NELL1: variants seen among roughly 807,000 people sequenced by gnomAD.
NELL1 encodes neural EGFL like 1.
NELL1 carries 76 observed loss-of-function variants against 107.4 expected under a neutral mutation model. The observed-to-expected ratio is 0.71, with a 90% CI of 0.59 to 0.86. The LOEUF is 0.86. NELL1 is among the 40% of genes least tolerant of loss of function. NELL1 has a pLI of 0.00. For synonymous variants in NELL1, 353 were observed against 341.2 expected, an observed-to-expected ratio of 1.03 and a Z score of -0.38; for missense variants, 1,024 against 1,005.5, an observed-to-expected ratio of 1.02 and a Z score of -0.25.
At chr11:21,343,910 T>G (rs1947646452) in intron 14 of NELL1, among the ~76,000 whole-genome samples, 1 of 152,082 alleles carries the variant, frequency 6.6e-6, no homozygotes, top group Non-Finnish European at 1.5e-5. Context: ...GAACTGGGAG[T>G]GTACTATGCC....
At chr11:21,233,351 C>T (rs900547810) in intron 14 of NELL1, among the ~76,000 whole-genome samples, 2 of 152,188 alleles carry the variant, frequency 1.3e-5, no homozygotes, top group African/African-American at 2.4e-5. Context: ...TCTGATTTAA[C>T]TCAACTAGTG....
At position 20,782,970 on chromosome 11, in the gene NELL1, G is replaced by A. The variant is rs376613986; in HGVS notation, c.185-710G>A. Among the ~76,000 whole-genome samples, 5 of 152,152 alleles carry A rather than the reference G, an allele frequency of 3.3e-5. No individual in the cohort carries two copies. In the East Asian group the frequency reaches 5.8e-4, roughly 18 times the overall value. On this transcript the variant is annotated intron_variant, in intron 2 of 19. Coordinates refer to ENST00000357134, the MANE Select transcript of NELL1 (RefSeq NM_006157.5). ...ATTAGCTGGAATCACACACCTCTAG[G>A]CCTGCTGAATCGGCCTCAACTTCAA...
chr11:21,549,513 T>C (rs955632606), intron 16 of NELL1, among the ~76,000 whole-genome samples: 1 of 151,870 alleles, frequency 6.6e-6, no homozygotes, highest in African/African-American at 2.4e-5. Flanking sequence ...TGTGTCTGTT[T>C]TACTTGCTGT....
At chr11:20,882,922 A>G (rs1455377928) in intron 4 of NELL1, among the ~76,000 whole-genome samples, 1 of 152,194 alleles carries the variant, frequency 6.6e-6, no homozygotes, top group Non-Finnish European at 1.5e-5. Context: ...GACCACAAGC[A>G]GTTATTTTGT....
intron 12 of NELL1, among the ~76,000 whole-genome samples, chr11:21,050,754 A>G (rs1306756295): frequency 3.3e-5 from 5 of 152,132 alleles, no homozygotes; most frequent in Non-Finnish European, 7.4e-5. Flanking sequence ...TCTCATCTGT[A>G]TAGTAAGGAG....
rs187694632 is a variant in NELL1 at position 21,230,713 on chromosome 11, T to C, written c.1549+1259T>C. ...TAAGTCACTATATTTATGGATTGGATTGGGGAAGAATTTTAAAAGATCAAT... is the reference window on the plus strand; with the variant it reads ...TAAGTCACTATATTTATGGATTGGACTGGGGAAGAATTTTAAAAGATCAAT... On this transcript the variant is annotated intron_variant, in intron 14 of 19. Coordinates refer to ENST00000357134, the MANE Select transcript of NELL1 (RefSeq NM_006157.5). 4.0e-3 allele frequency among the ~76,000 whole-genome samples: 615 copies of C among 152,234 alleles called. 2 individuals carry two copies. The highest frequency in any genetic ancestry group is 0.014 in the African/African-American group (592 of 41,540).
chr11:21,038,081 G>C (rs886299691), intron 12 of NELL1, among the ~76,000 whole-genome samples: 1 of 152,116 alleles, frequency 6.6e-6, no homozygotes, highest in East Asian at 1.9e-4. Flanking sequence ...GCAACTGAAT[G>C]CTGTTTATGT....
chr11:21,379,349 A>G (rs11026058), intron 15 of NELL1, among the ~76,000 whole-genome samples: 35,272 of 151,958 alleles, frequency 0.23, 4,851 homozygotes, highest in African/African-American at 0.4. Flanking sequence ...TTTCTCCTCC[A>G]CATTTGTTCA....
Position 21,099,431 on chromosome 11 carries a change from G to A in NELL1, c.1301-14158G>A, listed in dbSNP as rs150819870. Among the ~76,000 whole-genome samples the A allele has an allele frequency of 2.3e-3, 357 of 152,220 alleles. 4 individuals carry two copies. The highest frequency in any genetic ancestry group is 0.022 in the South Asian group (105 of 4,814). Reference sequence around the variant, plus strand: ...TCATCTTGTGAAGGGACAGTCAAGGGGCATTGGCTGGCTCGGTGGATGAGT... The same window carrying A: ...TCATCTTGTGAAGGGACAGTCAAGGAGCATTGGCTGGCTCGGTGGATGAGT... On this transcript the variant is annotated intron_variant, in intron 12 of 19. Coordinates refer to ENST00000357134, the MANE Select transcript of NELL1 (RefSeq NM_006157.5).
chr11:20,815,813 CTTAAG>C (rs140035187), intron 3 of NELL1, among the ~76,000 whole-genome samples: 8,663 of 152,128 alleles, frequency 0.057, 274 homozygotes, highest in South Asian at 0.087. Context: ...CTTAATCCAT[CTTAAG>C]TTAATTTTTA....
At chr11:20,845,790 T>TG (rs1317366888) in intron 3 of NELL1, among the ~76,000 whole-genome samples, 3 of 152,026 alleles carry the variant, frequency 2.0e-5, no homozygotes, top group Admixed American at 6.6e-5. Flanking sequence ...ACCCTTTTTT[T>TG]GGGGGGGCCG....
At chr11:20,759,161 A>G (rs1856363385) in intron 2 of NELL1, among the ~76,000 whole-genome samples, 1 of 152,192 alleles carries the variant, frequency 6.6e-6, no homozygotes, top group South Asian at 2.1e-4. Context: ...GCTTTTATCT[A>G]AATGTATCTC....
At chr11:21,537,403 G>A (rs893829767) in intron 16 of NELL1, among the ~76,000 whole-genome samples, 4 of 152,012 alleles carry the variant, frequency 2.6e-5, no homozygotes, top group African/African-American at 9.7e-5. Context: ...ATGACAAAAA[G>A]CTCATTCCAA....
intron 15 of NELL1, among the ~76,000 whole-genome samples, chr11:21,498,977 T>C (rs936799340): frequency 6.6e-6 from 1 of 152,074 alleles, no homozygotes; most frequent in East Asian, 1.9e-4. Context: ...ACTGTATCAT[T>C]CATTAACATT....
chr11:20,925,516 C>T (rs1196754203), intron 7 of NELL1, among the ~76,000 whole-genome samples: 1 of 148,956 alleles, frequency 6.7e-6, no homozygotes, highest in Non-Finnish European at 1.5e-5. Context: ...AAACTCCTGA[C>T]CTTGGGTCAT....
chr11:21,331,590 A>G (rs1315863803), intron 14 of NELL1, among the ~76,000 whole-genome samples: 1 of 152,052 alleles, frequency 6.6e-6, no homozygotes, highest in Non-Finnish European at 1.5e-5. Flanking sequence ...TAATACACTC[A>G]GGTATTAGTG....
intron 15 of NELL1, among the ~76,000 whole-genome samples, chr11:21,472,263 T>A (rs912437154): frequency 6.6e-6 from 1 of 152,070 alleles, no homozygotes; most frequent in African/African-American, 2.4e-5. Context: ...TCTTCTTTTC[T>A]AATGAGCAAA....
rs532932861 is a variant in NELL1 at position 21,500,241 on chromosome 11, A to G, written c.1646-34133A>G. Among the ~76,000 whole-genome samples the G allele has an allele frequency of 2.7e-4, 41 of 152,260 alleles. No individual in the cohort carries two copies. In the South Asian group the frequency reaches 7.2e-3, roughly 27 times the overall value. On this transcript the variant is annotated intron_variant, in intron 15 of 19. Coordinates refer to ENST00000357134, the MANE Select transcript of NELL1 (RefSeq NM_006157.5). ...TTATCTGTAACTACTTAGTAAAAAC[A>G]TAACACTTTCAACACTTCATAGAAT...
At chr11:21,217,060 CT>C (rs1480214230) in intron 13 of NELL1, among the ~76,000 whole-genome samples, 1 of 152,122 alleles carries the variant, frequency 6.6e-6, no homozygotes, top group African/African-American at 2.4e-5. Context: ...TACCTCCATG[CT>C]GCTCTTGTGA....
Sources: gnomAD v4.1 joint callset for allele counts (sites outside exome capture counted in the v4.1 genomes callset) on GRCh38, gnomAD v4.1.1 for gene constraint, MANE v1.5 for transcripts, NCBI Gene and HGNC (gene_info 2026-07-23, HGNC 2026-07-21) for gene names.